Variants in GSE1 observed in about 807,000 individuals in gnomAD.
The protein encoded by GSE1 is genetic suppressor element 1.
In GSE1, 32 loss-of-function variants were observed where a neutral mutation model predicts 112.6. The observed-to-expected ratio is 0.28, with a 90% CI of 0.21 to 0.38. GSE1 has a LOEUF of 0.38. GSE1 is among the 10% of genes least tolerant of loss of function. The probability of loss-of-function intolerance (pLI) is 1.00; values close to 1 mark genes in which losing one functional copy is unlikely to be tolerated. For missense variants in GSE1, 2,348 were observed against 1,699.2 expected, an observed-to-expected ratio of 1.38 and a Z score of -6.71; for synonymous variants, 1,115 against 735.6, an observed-to-expected ratio of 1.52 and a Z score of -8.35.
chr16:85,204,685 C>G (rs965855545), intron 1 of GSE1, among the ~76,000 whole-genome samples: 2 of 152,210 alleles, frequency 1.3e-5, no homozygotes, highest in South Asian at 2.1e-4. Context: ...AGACTGTGTC[C>G]TCTCCCCCAG....
rs550838189 is a variant in GSE1 at position 85,578,735 on chromosome 16, C to G, written c.37+22372C>G. On this transcript the variant is annotated intron_variant, in intron 1 of 2. Transcript: ENST00000635906. ...ATTCTCTGCCTCCACTACCCCTCAC[C>G]ACACATGGCCCCACCTCAGGGCCTT... 3.3e-5 allele frequency among the ~76,000 whole-genome samples: 5 copies of G among 151,656 alleles called. No individual in the cohort carries two copies. In the East Asian group the frequency reaches 9.7e-4, roughly 29 times the overall value.
intron 1 of GSE1, among the ~76,000 whole-genome samples, chr16:85,295,203 C>T (rs1029177948): frequency 3.3e-5 from 5 of 152,200 alleles, no homozygotes; most frequent in African/African-American, 1.2e-4. Context: ...CTTCCCAGGG[C>T]CTCCGCACAC....
At chr16:85,443,982 C>CGTTT in intron 2 of GSE1, among the ~76,000 whole-genome samples, 1 of 77,634 alleles carries the variant, frequency 1.3e-5, no homozygotes, top group Non-Finnish European at 2.2e-5. Flanking sequence ...CAAGGGGGCG[C>CGTTT]TTTTTTTTTT....
chr16:85,522,317 G>T (rs936870007), intron 2 of GSE1, among the ~76,000 whole-genome samples: 2 of 152,068 alleles, frequency 1.3e-5, no homozygotes, highest in African/African-American at 4.8e-5. Flanking sequence ...ACTGGGTCAG[G>T]TATAAAAGAT....
rs1244685488 is a variant in GSE1, at chr16:85,673,745, G to C, written c.*1206G>C. ...ATATTACCCATTGCTATCAAGGGAG[G>C]AGGGGGTAGTCTGTAGAACCCATGT... On this transcript the variant is annotated 3_prime_UTR_variant, in exon 16 of 16. Coordinates refer to ENST00000253458, the MANE Select transcript of GSE1 (RefSeq NM_014615.5). 6.6e-6 allele frequency: 1 copy of C among 152,210 alleles called. No homozygotes were observed. The highest frequency in any genetic ancestry group is 1.5e-5 in the Non-Finnish European group (1 of 68,050). The allele number at this position is 152,210 out of a possible 1,614,324, so 9.4% of individuals were successfully genotyped here. A position where few individuals can be genotyped will look rare whatever the true frequency, so the allele number is the denominator to read the frequency against.
chr16:85,374,933 G>A (rs2047386401), intron 2 of GSE1, among the ~76,000 whole-genome samples: 1 of 152,208 alleles, frequency 6.6e-6, no homozygotes, highest in South Asian at 2.1e-4. Flanking sequence ...TGGGGCCGAG[G>A]CCATCCCAAT....
At chr16:85,463,202 C>T (rs1307067637) in intron 2 of GSE1, 2 of 756,522 alleles carry the variant, frequency 2.6e-6, no homozygotes, top group East Asian at 2.6e-4. Context: ...GCGCCACCCA[C>T]CCGGGGCTGG....
At chr16:85,623,850 A>T (rs2048894559) in intron 1 of GSE1, among the ~76,000 whole-genome samples, 1 of 151,890 alleles carries the variant, frequency 6.6e-6, no homozygotes, top group African/African-American at 2.4e-5. Context: ...CCCCTGTATG[A>T]TTGCTTCTTT....
At chr16:85,455,539 G>A (rs927905700) in intron 2 of GSE1, among the ~76,000 whole-genome samples, 2 of 152,164 alleles carry the variant, frequency 1.3e-5, no homozygotes, top group African/African-American at 4.8e-5. Context: ...GGTTTATAGC[G>A]GCTACCCAGG....
chr16:85,249,998 A>C (rs1597188792), intron 1 of GSE1, among the ~76,000 whole-genome samples: 1 of 152,276 alleles, frequency 6.6e-6, no homozygotes, highest in East Asian at 1.9e-4. Flanking sequence ...CCTGCCTCCC[A>C]AGCTGTTGCG....
At chr16:85,602,344 A>T (rs2047503429) in intron 1 of GSE1, among the ~76,000 whole-genome samples, 1 of 152,192 alleles carries the variant, frequency 6.6e-6, no homozygotes, top group African/African-American at 2.4e-5. Flanking sequence ...AAGAACTTCG[A>T]AGGCTTTTAA....
intron 2 of GSE1, among the ~76,000 whole-genome samples, chr16:85,396,324 A>G (rs1320599621): frequency 6.6e-6 from 1 of 152,182 alleles, no homozygotes; most frequent in Non-Finnish European, 1.5e-5. Flanking sequence ...GTTTGGAGAG[A>G]CAGGAAATAT....
intron 2 of GSE1, among the ~76,000 whole-genome samples, chr16:85,395,612 G>A (rs1378383979): frequency 1.3e-5 from 2 of 152,280 alleles, no homozygotes; most frequent in South Asian, 2.1e-4. Context: ...TCGCCACAGC[G>A]GCTCCAGACC....
At chr16:85,590,788 CA>C (rs1272589443) in intron 1 of GSE1, among the ~76,000 whole-genome samples, 1 of 152,196 alleles carries the variant, frequency 6.6e-6, no homozygotes, top group African/African-American at 2.4e-5. Flanking sequence ...CACGCTGCAC[CA>C]CCATTTGGCT....
rs769210077 is a variant in GSE1, at chr16:85,666,274, G to A, written c.3057G>A (p.Val1019=). Residue 1019 remains valine, a synonymous_variant, in exon 13 of 16, where the codon GTG becomes GTA. Transcript: ENST00000253458. ...AGAGCAAGCCGTGGGAGCCCTTTGTGGCAGAAGAGTTTGCACATCAGTTCC... is the reference window on the plus strand; with the variant it reads ...AGAGCAAGCCGTGGGAGCCCTTTGTAGCAGAAGAGTTTGCACATCAGTTCC... The part of the protein sequence containing the change: ...NGKSKPWEPF[V]AEEFAHQFHE... 19 of 1,613,728 alleles carry A rather than the reference G, an allele frequency of 1.2e-5. No individual in the cohort carries two copies. The highest frequency in any genetic ancestry group is 5.0e-5 in the Admixed American group (3 of 59,998).
intron 1 of GSE1, among the ~76,000 whole-genome samples, chr16:85,180,946 C>T (rs1295317636): frequency 6.6e-6 from 1 of 152,232 alleles, no homozygotes; most frequent in African/African-American, 2.4e-5. Flanking sequence ...TGCCAGGGTG[C>T]TGCCTGCCAA....
chr16:85,667,158 C>CAGAATACCGAAACTTG lies in GSE1; in HGVS notation c.3130+819_3130+820insGAAACTTGAGAATACC, dbSNP rs529115790. 5.5e-3 allele frequency among the ~76,000 whole-genome samples: 839 copies of CAGAATACCGAAACTTG among 152,388 alleles called. 7 individuals are homozygous for CAGAATACCGAAACTTG. Among genetic ancestry groups the CAGAATACCGAAACTTG allele is most frequent in the African/African-American group, 0.019 (797 of 41,584 alleles). ...GCTACTGAGATGCCTTTCGAAACTT[C>CAGAATACCGAAACTTG]AGAATACCCTCCCTCCCTGCCCTTT... is the stretch of plus-strand genomic sequence containing the variant. On this transcript the variant is annotated intron_variant, in intron 13 of 15. Transcript: ENST00000253458.
chr16:85,464,434 C>G (rs1165979656), intron 2 of GSE1, among the ~76,000 whole-genome samples: 1 of 152,200 alleles, frequency 6.6e-6, no homozygotes, highest in East Asian at 1.9e-4. Context: ...GGTGTTTGAT[C>G]ACGGCTCCCC....
intron 1 of GSE1, among the ~76,000 whole-genome samples, chr16:85,351,043 G>T: frequency 6.6e-6 from 1 of 152,208 alleles, no homozygotes; most frequent in Middle Eastern, 3.2e-3. Context: ...GCCTCCCAAG[G>T]TGCCACTCTC....
Sources: gnomAD v4.1 joint callset for allele counts (sites outside exome capture counted in the v4.1 genomes callset) on GRCh38, gnomAD v4.1.1 for gene constraint, MANE v1.5 for transcripts, NCBI Gene and HGNC (gene_info 2026-07-23, HGNC 2026-07-21) for gene names.